The following PARD3B variants were observed in gnomAD, a reference collection of about 807,000 sequenced individuals.
The protein encoded by PARD3B is partitioning defective 3 homolog B.
PARD3B carries 103 observed loss-of-function variants against 130.2 expected under a neutral mutation model. The observed-to-expected ratio is 0.79, with a 90% CI of 0.67 to 0.93. The LOEUF (loss-of-function observed/expected upper bound fraction) is 0.93. PARD3B is among the 40% of genes least tolerant of loss of function. The pLI is 0.00. For missense variants in PARD3B, 1,609 were observed against 1,499.2 expected (o/e 1.07, Z -1.21); for synonymous variants, 583 against 553.2 (o/e 1.05, Z -0.76).
At chr2:204,582,229 A>G (rs1177017227) in intron 1 of PARD3B, among the ~76,000 whole-genome samples, 3 of 152,134 alleles carry the variant, frequency 2.0e-5, no homozygotes, top group Non-Finnish European at 2.9e-5. Flanking sequence ...CCTTATCTTT[A>G]GTGACTCCAA....
intron 16 of PARD3B, among the ~76,000 whole-genome samples, chr2:205,278,126 G>A (rs958258688): frequency 6.6e-6 from 1 of 152,144 alleles, no homozygotes; most frequent in African/African-American, 2.4e-5. Flanking sequence ...AGGACTGAAA[G>A]AAGTTTATTG....
At chr2:205,581,255 T>TAGATAG (rs749729693) in intron 22 of PARD3B, among the ~76,000 whole-genome samples, 1 of 136,010 alleles carries the variant, frequency 7.4e-6, no homozygotes, top group Non-Finnish European at 1.5e-5. Flanking sequence ...TATATAGATA[T>TAGATAG]ATATAGATAT....
chr2:204,923,289 T>G (rs544604038), intron 2 of PARD3B, among the ~76,000 whole-genome samples: 1 of 152,196 alleles, frequency 6.6e-6, no homozygotes, highest in East Asian at 1.9e-4. Flanking sequence ...AAAAATAATT[T>G]AATTGTTCAG....
chr2:205,023,513 T>C (rs369661567), intron 3 of PARD3B, among the ~76,000 whole-genome samples: 16 of 150,828 alleles, frequency 1.1e-4, no homozygotes, highest in African/African-American at 3.9e-4. Context: ...TATTTATTTT[T>C]ATTTTTAGCA....
chr2:204,767,149 C>T (rs1300920961), intron 2 of PARD3B, among the ~76,000 whole-genome samples: 1 of 64,930 alleles, frequency 1.5e-5, no homozygotes, highest in Admixed American at 1.8e-4. Context: ...TCCCTCCCCC[C>T]TCCCCCGACC....
intron 18 of PARD3B, among the ~76,000 whole-genome samples, chr2:205,380,069 A>G (rs2045256063): frequency 7.3e-6 from 1 of 136,622 alleles, no homozygotes; most frequent in Admixed American, 8.5e-5. Flanking sequence ...CTCTGCCTCA[A>G]AAAAAAAAAA....
chr2:204,571,631 CTAAT>C (rs1006484659), intron 1 of PARD3B, among the ~76,000 whole-genome samples: 2 of 152,112 alleles, frequency 1.3e-5, no homozygotes, highest in African/African-American at 4.8e-5. Context: ...TCTCGTCTCC[CTAAT>C]TAGATTGTAA....
rs76903624 is a variant in PARD3B at position 205,351,254 on chromosome 2, C to A, written c.2630+49553C>A. On this transcript the variant is annotated intron_variant, in intron 18 of 22. Coordinates refer to ENST00000406610, the MANE Select transcript of PARD3B (RefSeq NM_001302769.2). The surrounding 1 kb of genome is among the most constrained non-coding windows in gnomAD (Gnocchi z 4.2). ...TTTATGATGTGAAACTAAATAAATA[C>A]GGGTACATCTTTGAAACCGGTGTTT... Among the ~76,000 whole-genome samples the A allele has an allele frequency of 6.6e-6, 1 of 152,116 alleles. No homozygotes were observed. The highest frequency in any genetic ancestry group is 1.9e-4 in the East Asian group (1 of 5,194).
At chr2:204,655,702 A>G (rs942034084) in intron 1 of PARD3B, among the ~76,000 whole-genome samples, 1 of 152,152 alleles carries the variant, frequency 6.6e-6, no homozygotes, top group Non-Finnish European at 1.5e-5. Flanking sequence ...AGACATAGAA[A>G]TGTGTTTAAA....
chr2:205,373,432 T>C (rs1053308839), intron 18 of PARD3B, among the ~76,000 whole-genome samples: 4 of 152,236 alleles, frequency 2.6e-5, no homozygotes, highest in Non-Finnish European at 5.9e-5. Flanking sequence ...ATGGGTTTTT[T>C]TCTGTGTTTC....
chr2:205,239,080 C>T (rs1315285655), intron 15 of PARD3B, among the ~76,000 whole-genome samples: 1 of 151,296 alleles, frequency 6.6e-6, no homozygotes, highest in Non-Finnish European at 1.5e-5. Context: ...TTGTCTCATC[C>T]TATGAGGCCT....
chr2:204,986,579 C>G (rs147194428), intron 3 of PARD3B, among the ~76,000 whole-genome samples: 3 of 152,108 alleles, frequency 2.0e-5, no homozygotes, highest in Admixed American at 1.3e-4. Flanking sequence ...TTTTAACGTA[C>G]GCAATTAATA....
intron 21 of PARD3B, among the ~76,000 whole-genome samples, chr2:205,543,977 A>G (rs529580865): frequency 8.5e-5 from 13 of 152,348 alleles, no homozygotes; most frequent in Middle Eastern, 6.8e-3. Context: ...AATATGAACT[A>G]GTATATCATT....
Position 205,582,668 on chromosome 2 carries a change from GT to G in PARD3B, c.3260+29279del, listed in dbSNP as rs76102730. On this transcript the variant is annotated intron_variant, in intron 22 of 22. Coordinates refer to ENST00000406610, the MANE Select transcript of PARD3B (RefSeq NM_001302769.2). The stretch of plus-strand genomic sequence containing the variant: ...ACCAAGAGCAACAAGGAAGGTTATT[GT>G]TTTTTTTTTTTTTCCTACGTGTCTA... Among the ~76,000 whole-genome samples the G allele has an allele frequency of 8.4e-3, 1,195 of 142,008 alleles. 24 individuals are homozygous for G. Among genetic ancestry groups the G allele is most frequent in the African/African-American group, 0.027 (1,066 of 39,210 alleles). The allele number at this position is 142,008 out of a possible 152,430, so 93.2% of individuals were successfully genotyped here. A position where few individuals can be genotyped will look rare whatever the true frequency, so the allele number is the denominator to read the frequency against.
At chr2:205,034,810 G>C (rs569774102) in intron 3 of PARD3B, among the ~76,000 whole-genome samples, 1 of 151,858 alleles carries the variant, frequency 6.6e-6, no homozygotes, top group Non-Finnish European at 1.5e-5. Context: ...AAAATATCTC[G>C]ATATTATACT....
chr2:204,935,779 G>A (rs1326159274), intron 2 of PARD3B, among the ~76,000 whole-genome samples: 1 of 152,068 alleles, frequency 6.6e-6, no homozygotes, highest in African/African-American at 2.4e-5. Context: ...TATTTTGAAT[G>A]GAACTTGTCC....
chr2:204,933,843 G>T (rs1176394691), intron 2 of PARD3B, among the ~76,000 whole-genome samples: 1 of 152,152 alleles, frequency 6.6e-6, no homozygotes, highest in East Asian at 1.9e-4. Context: ...GACATAGATT[G>T]TAATTTGCAG....
At chr2:204,647,402 A>G (rs953606143) in intron 1 of PARD3B, among the ~76,000 whole-genome samples, 1 of 151,354 alleles carries the variant, frequency 6.6e-6, no homozygotes, top group African/African-American at 2.4e-5. Context: ...GCTGCATTTT[A>G]TGATTGGAAG....
intron 2 of PARD3B, among the ~76,000 whole-genome samples, chr2:204,818,963 T>C (rs887503434): frequency 6.6e-6 from 1 of 152,136 alleles, no homozygotes; most frequent in Non-Finnish European, 1.5e-5. Context: ...TGAGAAGGTA[T>C]AGACAAGCAT....
Sources: allele counts gnomAD v4.1 joint callset (sites outside exome capture counted in the v4.1 genomes callset), GRCh38; gene constraint gnomAD v4.1.1; non-coding constraint Gnocchi (gnomAD v3.1); transcripts MANE v1.5; gene names NCBI Gene and HGNC (gene_info 2026-07-23, HGNC 2026-07-21).